Variants in SLC9C1 observed in about 807,000 individuals in gnomAD.
The protein encoded by SLC9C1 is solute carrier family 9 member C1.
In SLC9C1, 97 loss-of-function variants were observed where a neutral mutation model predicts 140.9. That is an observed-to-expected ratio of 0.69 (90% CI 0.58 to 0.82). SLC9C1 has a LOEUF of 0.82. Ranked by LOEUF, SLC9C1 falls within the 40% of genes least tolerant of loss-of-function variation. SLC9C1 has a pLI of 0.00. For missense variants in SLC9C1, 1,340 were observed against 1,389.3 expected, an observed-to-expected ratio of 0.96 and a Z score of 0.56; for synonymous variants, 440 against 442.6, an observed-to-expected ratio of 0.99 and a Z score of 0.07.
chr3:112,218,722 G>A (rs2108114279), intron 14 of SLC9C1, among the ~76,000 whole-genome samples: 1 of 152,230 alleles, frequency 6.6e-6, no homozygotes. Context: ...GGTAAGTGTT[G>A]CCACAGAGAT....
At chr3:112,169,135 A>T (rs1426462997) in intron 24 of SLC9C1, 62 bp downstream of exon 24, 2 of 1,583,450 alleles carry the variant, frequency 1.3e-6, no homozygotes, top group African/African-American at 2.7e-5. Flanking sequence ...ATAGTCAATT[A>T]TAATGTTTTA....
intron 12 of SLC9C1, among the ~76,000 whole-genome samples, chr3:112,236,210 G>A (rs1458228042): frequency 1.3e-5 from 2 of 152,160 alleles, no homozygotes; most frequent in Admixed American, 1.3e-4. Context: ...GGGTGCATGT[G>A]TCGAGGAATT....
intron 10 of SLC9C1, among the ~76,000 whole-genome samples, chr3:112,248,226 C>G (rs1018535463): frequency 6.6e-6 from 1 of 152,040 alleles, no homozygotes; most frequent in African/African-American, 2.4e-5. Context: ...TCAACAAAAC[C>G]ACACAATCAG....
At chr3:112,238,496 G>T (rs1179419302) in intron 12 of SLC9C1, among the ~76,000 whole-genome samples, 3 of 152,182 alleles carry the variant, frequency 2.0e-5, no homozygotes, top group Non-Finnish European at 4.4e-5. Flanking sequence ...TCTGTTGCTG[G>T]TGAGGAGCTG....
At chr3:112,165,170 C>A (rs771029953) in intron 26 of SLC9C1, among the ~76,000 whole-genome samples, 1 of 152,072 alleles carries the variant, frequency 6.6e-6, no homozygotes. Context: ...GTTAGCCATT[C>A]GTCTAAGTTT....
In SLC9C1 at chr3:112,149,490, T is replaced by G. The variant is rs556153693; in HGVS notation, c.3524+2367A>C. 3.9e-5 allele frequency among the ~76,000 whole-genome samples: 6 copies of G among 152,126 alleles called. No individual in the cohort carries two copies. In the South Asian group the frequency reaches 1.3e-3, roughly 32 times the overall value. ...GAGCCCTGCTATACCATGATCTATGTGCAGAAAGGATGGGGTGGCTCAGGC... is the reference window on the plus strand; with the variant it reads ...GAGCCCTGCTATACCATGATCTATGGGCAGAAAGGATGGGGTGGCTCAGGC... On this transcript the variant is annotated intron_variant, in intron 28 of 28. Coordinates refer to ENST00000305815, the MANE Select transcript of SLC9C1 (RefSeq NM_183061.3).
At position 112,240,001 on chromosome 3, in the gene SLC9C1, GA is replaced by G; in HGVS notation, c.1284del (p.Arg429ValfsTer21). ...TTATATTTTGTTGATGTGGCATCAC[GA>G]AGACCTTTGATACAAACACACATTT... The part of the protein sequence containing the change: ...ILPVAVTILG[L>X]RDATSTKYKS... On this transcript the variant is annotated frameshift_variant, in exon 12 of 29. Coordinates refer to ENST00000305815, the MANE Select transcript of SLC9C1 (RefSeq NM_183061.3). LOFTEE classifies it high-confidence loss of function. The G allele has an allele frequency of 6.2e-7, 1 of 1,610,024 alleles. No homozygotes were observed. The highest frequency in any genetic ancestry group is 8.5e-7 in the Non-Finnish European group (1 of 1,178,116).
intron 20 of SLC9C1, chr3:112,185,555 C>G: frequency 6.2e-7 from 1 of 1,613,128 alleles, no homozygotes; most frequent in Non-Finnish European, 8.5e-7. Flanking sequence ...ATCTCCGCAG[C>G]ACACACACTG....
intron 26 of SLC9C1, among the ~76,000 whole-genome samples, chr3:112,159,516 TAAG>T (rs757654022): frequency 5.9e-5 from 9 of 152,156 alleles, no homozygotes; most frequent in Non-Finnish European, 1.3e-4. Context: ...CATGTGCTGA[TAAG>T]AAAAATGTAT....
At chr3:112,239,441 G>C (rs2079081500) in intron 12 of SLC9C1, among the ~76,000 whole-genome samples, 1 of 152,176 alleles carries the variant, frequency 6.6e-6, no homozygotes, top group South Asian at 2.1e-4. Flanking sequence ...AACTCACACT[G>C]GGTGCACTGC....
At chr3:112,211,877 G>C (rs2078216935) in intron 15 of SLC9C1, among the ~76,000 whole-genome samples, 1 of 152,248 alleles carries the variant, frequency 6.6e-6, no homozygotes, top group Non-Finnish European at 1.5e-5. Context: ...CCAGCACGGA[G>C]TCTGAGATCT....
At chr3:112,217,360 T>A (rs6779306) in intron 15 of SLC9C1, 82 bp downstream of exon 15, 323,279 of 1,469,536 alleles carry the variant, frequency 0.22, 38,890 homozygotes, top group Non-Finnish European at 0.24. Flanking sequence ...TAACAAAAAA[T>A]TCAAGATACC....
intron 12 of SLC9C1, among the ~76,000 whole-genome samples, chr3:112,233,725 G>A (rs1466679100): frequency 6.7e-6 from 1 of 149,966 alleles, no homozygotes; most frequent in East Asian, 2.0e-4. Flanking sequence ...GTGAGAACAT[G>A]CAGTGTTTGG....
intron 26 of SLC9C1, among the ~76,000 whole-genome samples, chr3:112,160,652 C>G (rs1165420690): frequency 6.6e-6 from 1 of 151,292 alleles, no homozygotes; most frequent in Non-Finnish European, 1.5e-5. Flanking sequence ...GCCACATTTT[C>G]TTAATCCAGT....
chr3:112,200,661 A>G, intron 19 of SLC9C1, 50 bp downstream of exon 19: 5 of 1,533,398 alleles, frequency 3.3e-6, no homozygotes, highest in Non-Finnish European at 4.5e-6. Flanking sequence ...GCCTTTCTGA[A>G]GTGGTGATGA....
chr3:112,236,563 G>A (rs541012373), intron 12 of SLC9C1, among the ~76,000 whole-genome samples: 1 of 148,574 alleles, frequency 6.7e-6, no homozygotes, highest in South Asian at 2.2e-4. Flanking sequence ...GTGATGTTAG[G>A]GTGTCAATTT....
At chr3:112,144,502 A>G (rs1236498324) in intron 28 of SLC9C1, among the ~76,000 whole-genome samples, 2 of 152,178 alleles carry the variant, frequency 1.3e-5, no homozygotes, top group Non-Finnish European at 2.9e-5. Context: ...TGGTAATTCA[A>G]TAAGAATAGT....
chr3:112,151,595 G>GT (rs2074982762), intron 28 of SLC9C1: 2 of 522,650 alleles, frequency 3.8e-6, no homozygotes, highest in Non-Finnish European at 7.4e-6. Context: ...AGCAGCCAGT[G>GT]TTGCATGTGA....
At chr3:112,229,211 A>G (rs2078758302) in intron 13 of SLC9C1, among the ~76,000 whole-genome samples, 1 of 152,100 alleles carries the variant, frequency 6.6e-6, no homozygotes, top group African/African-American at 2.4e-5. Context: ...AGGTTGGTTA[A>G]CAGATACAAA....
Sources: allele counts gnomAD v4.1 joint callset (sites outside exome capture counted in the v4.1 genomes callset), GRCh38; gene constraint gnomAD v4.1.1; transcripts MANE v1.5; gene names NCBI Gene and HGNC (gene_info 2026-07-23, HGNC 2026-07-21).